KCNU1: variants seen among roughly 807,000 people sequenced by gnomAD.
KCNU1 encodes potassium calcium-activated channel subfamily U member 1, also known as potassium channel subfamily U member 1.
Under a neutral mutation model 126.8 loss-of-function variants are expected in KCNU1, and 93 were observed. That is an observed-to-expected ratio of 0.73 (90% CI 0.62 to 0.87). The LOEUF (loss-of-function observed/expected upper bound fraction) is 0.87, where lower values mean the gene tolerates loss of function less well. Among genes scored for constraint, KCNU1 ranks in the 40% least tolerant of loss-of-function variants. The probability of loss-of-function intolerance (pLI) is 0.00; values close to 1 mark genes in which losing one functional copy is unlikely to be tolerated. For synonymous variants in KCNU1, 523 were observed against 494.2 expected, an observed-to-expected ratio of 1.06 and a Z score of -0.77; for missense variants, 1,330 against 1,367.1, an observed-to-expected ratio of 0.97 and a Z score of 0.43.
At chr8:36,893,144 G>GTTT (rs34766611) in intron 19 of KCNU1, among the ~76,000 whole-genome samples, 7 of 144,590 alleles carry the variant, frequency 4.8e-5, no homozygotes, top group Non-Finnish European at 7.6e-5. Context: ...GTTTTTTTTT[G>GTTT]TTTTTTTTTT....
chr8:36,794,874 A>C (rs1013894710), intron 2 of KCNU1, among the ~76,000 whole-genome samples: 7 of 152,122 alleles, frequency 4.6e-5, no homozygotes, highest in African/African-American at 1.7e-4. Flanking sequence ...GGCTGCAGGG[A>C]GCTGAGATTG....
chr8:36,845,815 T>A lies in KCNU1; in HGVS notation c.1807T>A (p.Cys603Ser), dbSNP rs1374385960. Residue 603 changes from cysteine to serine, a missense_variant, in exon 18 of 27, where the codon TGT becomes AGT. Cys to Ser is a moderately radical substitution (Grantham distance 112). Transcript: ENST00000399881. ...TTCATTGTCCAGAGCCTTGTTTTAC[T>A]GTTCAGTCTGTCATGATGATGTGTT... is the stretch of plus-strand genomic sequence containing the variant. ...PKDVRRALFY[C>S]SVCHDDVFIP... 1 of 1,608,856 alleles carries A rather than the reference T, an allele frequency of 6.2e-7. No individual in the cohort carries two copies. Among genetic ancestry groups the A allele is most frequent in the East Asian group, 2.2e-5 (1 of 44,712 alleles).
chr8:36,899,543 T>C lies in KCNU1; in HGVS notation c.2010-6165T>C, dbSNP rs79425543. Reference sequence around the variant, plus strand: ...CCATTTACAGATGTTTTTTAAATCATACCTATTATCTCTACTATTAAAGTT... The same window carrying C: ...CCATTTACAGATGTTTTTTAAATCACACCTATTATCTCTACTATTAAAGTT... On this transcript the variant is annotated intron_variant, in intron 19 of 26. Coordinates refer to ENST00000399881, the MANE Select transcript of KCNU1 (RefSeq NM_001031836.3). Among the ~76,000 whole-genome samples, 2,238 of 152,244 alleles carry C rather than the reference T, an allele frequency of 0.015. 210 individuals are homozygous for C. The East Asian group carries it at 0.28, about 19-fold the overall frequency.
intron 10 of KCNU1, among the ~76,000 whole-genome samples, chr8:36,820,426 C>T (rs1018051140): frequency 2.0e-5 from 3 of 151,856 alleles, no homozygotes; most frequent in African/African-American, 7.3e-5. Context: ...GAGGAAATTG[C>T]TGTAGGGTGA....
Position 36,805,198 on chromosome 8 carries a change from T to C in KCNU1, c.381T>C (p.Pro127=). 2 of 1,606,834 alleles carry C rather than the reference T, an allele frequency of 1.2e-6. No homozygotes were observed. Among genetic ancestry groups the C allele is most frequent in the Non-Finnish European group, 1.7e-6 (2 of 1,174,860 alleles). ...LIIYFINSAD[P]VGSCSSYEDK... ...ACTGTCCTTCTTTCTTTTCCAGCCC[T>C]GTTGGAAGCTGTTCATCATATGAAG... The change falls in exon 4 of 27, where the codon CCT becomes CCC. Residue 127 remains proline (P), a synonymous_variant. Coordinates refer to ENST00000399881, the MANE Select transcript of KCNU1 (RefSeq NM_001031836.3).
intron 19 of KCNU1, among the ~76,000 whole-genome samples, chr8:36,899,064 A>G (rs1428891140): frequency 1.3e-5 from 2 of 152,082 alleles, no homozygotes; most frequent in African/African-American, 4.8e-5. Context: ...TTCTCTTTTC[A>G]TCTGGTAACA....
intron 19 of KCNU1, among the ~76,000 whole-genome samples, chr8:36,870,975 A>G (rs546767891): frequency 6.6e-6 from 1 of 152,286 alleles, no homozygotes; most frequent in African/African-American, 2.4e-5. Flanking sequence ...CCTTTAAAAT[A>G]TGCTTTCTCT....
At chr8:36,923,619 G>T (rs937070422) in intron 24 of KCNU1, among the ~76,000 whole-genome samples, 2 of 152,132 alleles carry the variant, frequency 1.3e-5, no homozygotes, top group African/African-American at 4.8e-5. Flanking sequence ...CTGCAGAAAG[G>T]GTGTTCAGTG....
rs1803541949 is a variant in KCNU1 at position 36,807,382 on chromosome 8, G to A, written c.588G>A (p.Arg196=). ...CTTTCCATTGGTTTGTAGGTTTAAG[G>A]TTCCTAAGAGCCTTGCGCCTGCTAG... ...YYLKSNWLGL[R]FLRALRLLEL... The change falls in exon 6 of 27, where the codon AGG becomes AGA. Residue 196 remains arginine (R), a synonymous_variant. Coordinates refer to ENST00000399881, the MANE Select transcript of KCNU1 (RefSeq NM_001031836.3). 9 of 1,612,998 alleles carry A rather than the reference G, an allele frequency of 5.6e-6. No individual in the cohort carries two copies. Among genetic ancestry groups the A allele is most frequent in the Non-Finnish European group, 2.5e-6 (3 of 1,179,312 alleles).
At chr8:36,873,693 G>T (rs1234737561) in intron 19 of KCNU1, among the ~76,000 whole-genome samples, 1 of 152,084 alleles carries the variant, frequency 6.6e-6, no homozygotes, top group Non-Finnish European at 1.5e-5. Flanking sequence ...AGAACTTCAG[G>T]GTTGCTGGGC....
At chr8:36,817,494 C>T (rs983393268) in intron 9 of KCNU1, among the ~76,000 whole-genome samples, 156 bp from the exon 10 acceptor site, 36 of 88,126 alleles carry the variant, frequency 4.1e-4, no homozygotes, top group African/African-American at 1.8e-3. Flanking sequence ...AGCAAAACTC[C>T]ATCTCAAAAA....
chr8:36,851,991 G>A (rs778143552), intron 18 of KCNU1, among the ~76,000 whole-genome samples: 2 of 152,082 alleles, frequency 1.3e-5, no homozygotes, highest in Non-Finnish European at 2.9e-5. Context: ...TTCACCATTA[G>A]TTATGATGTT....
chr8:36,920,177 C>T (rs1808287435), intron 23 of KCNU1, among the ~76,000 whole-genome samples: 1 of 152,132 alleles, frequency 6.6e-6, no homozygotes, highest in Non-Finnish European at 1.5e-5. Context: ...GGCATTGGTT[C>T]CATAACTCAC....
intron 20 of KCNU1, among the ~76,000 whole-genome samples, chr8:36,907,487 A>G (rs763561268): frequency 1.3e-5 from 2 of 152,172 alleles, no homozygotes; most frequent in Non-Finnish European, 2.9e-5. Context: ...GTTAAAACTA[A>G]TCGGATTAGC....
chr8:36,814,500 A>T, intron 8 of KCNU1, 123 bp downstream of exon 8: 2 of 704,626 alleles, frequency 2.8e-6, no homozygotes, highest in Non-Finnish European at 4.7e-6. Context: ...GCACATGTCA[A>T]GGGCAAATGA....
chr8:36,904,198 C>T (rs1807532450), intron 19 of KCNU1, among the ~76,000 whole-genome samples: 1 of 152,164 alleles, frequency 6.6e-6, no homozygotes, highest in African/African-American at 2.4e-5. Context: ...TATGAAATCT[C>T]AGTGGCTGCA....
intron 13 of KCNU1, 48 bp from the exon 14 acceptor site, chr8:36,836,745 G>A (rs770661427): frequency 1.3e-6 from 2 of 1,546,900 alleles, no homozygotes; most frequent in East Asian, 2.3e-5. Context: ...GAGCTTTCTT[G>A]AGGTGTGTTT....
rs189989959 is a variant in KCNU1 at position 36,922,624 on chromosome 8, G to A, written c.2731G>A (p.Ala911Thr). ...CGGCAGCTTCTTGGATTCTCTGCTGGCCACGGTAAGAAAAGCTAAGCCATG... is the reference window on the plus strand; with the variant it reads ...CGGCAGCTTCTTGGATTCTCTGCTGACCACGGTAAGAAAAGCTAAGCCATG... ...FSGSFLDSLL[A>T]TAFYNYHVLE... Residue 911 changes from alanine (A) to threonine (T), a missense_variant, in exon 24 of 27, where the codon GCC becomes ACC. Around this residue, in one of 3 missense-constraint regions of KCNU1, gnomAD observed 1,054 missense variants for 1,053.9 expected, o/e 1.00. Transcript: ENST00000399881. 1,605 of 1,612,662 alleles carry A rather than the reference G, an allele frequency of 1.0e-3. 23 individuals are homozygous for A. In the Middle Eastern group the frequency reaches 0.011, roughly 11 times the overall value.
intron 24 of KCNU1, among the ~76,000 whole-genome samples, chr8:36,923,449 CG>C (rs1808433864): frequency 6.6e-6 from 1 of 151,980 alleles, no homozygotes; most frequent in Non-Finnish European, 1.5e-5. Flanking sequence ...TCAGGGAAGG[CG>C]ATGTTGAGAA....
Sources: gnomAD v4.1 joint callset for allele counts (sites outside exome capture counted in the v4.1 genomes callset) on GRCh38, gnomAD v4.1.1 for gene constraint, gnomAD v4.1.1 regional missense constraint, MANE v1.5 for transcripts, NCBI Gene and HGNC (gene_info 2026-07-23, HGNC 2026-07-21) for gene names.